The following TTC28 variants were observed in gnomAD, a reference collection of about 807,000 sequenced individuals.
The protein encoded by TTC28 is tetratricopeptide repeat domain 28.
In TTC28, 61 loss-of-function variants were observed where a neutral mutation model predicts 198.0. The ratio of observed to expected loss-of-function variants is 0.31; its 90% CI spans 0.25 to 0.38. The LOEUF is 0.38. TTC28 is among the 10% of genes least tolerant of loss of function. The probability of loss-of-function intolerance (pLI) is 1.00; values close to 1 mark genes in which losing one functional copy is unlikely to be tolerated. For synonymous variants in TTC28, 1,171 were observed against 1,297.8 expected, an observed-to-expected ratio of 0.90 and a Z score of 2.10; for missense variants, 2,678 against 3,164.0, an observed-to-expected ratio of 0.85 and a Z score of 3.69.
intron 12 of TTC28, among the ~76,000 whole-genome samples, chr22:28,083,904 T>C (rs1295029864): frequency 1.3e-5 from 2 of 152,202 alleles, no homozygotes; most frequent in Non-Finnish European, 2.9e-5. Flanking sequence ...CCACGGAGCC[T>C]CGCTCATTGC....
At chr22:28,677,701 C>T (rs1021146974) in intron 1 of TTC28, among the ~76,000 whole-genome samples, 2 of 152,008 alleles carry the variant, frequency 1.3e-5, no homozygotes, top group Non-Finnish European at 2.9e-5. Flanking sequence ...CTTTGGGAGG[C>T]CAAGGTGGGC....
intron 2 of TTC28, among the ~76,000 whole-genome samples, chr22:28,371,318 TG>T (rs1367297789): frequency 6.7e-6 from 1 of 149,730 alleles, no homozygotes; most frequent in Non-Finnish European, 1.5e-5. Context: ...AGGATCAGCC[TG>T]GGCAACATGG....
intron 5 of TTC28, among the ~76,000 whole-genome samples, chr22:28,237,744 G>T (rs889992243): frequency 6.6e-6 from 1 of 151,878 alleles, no homozygotes; most frequent in South Asian, 2.1e-4. Context: ...CAAGTTTCTG[G>T]TATCATTTTC....
At chr22:28,356,642 T>G (rs980649357) in intron 2 of TTC28, among the ~76,000 whole-genome samples, 1 of 152,196 alleles carries the variant, frequency 6.6e-6, no homozygotes, top group Non-Finnish European at 1.5e-5. Context: ...TGACTTTGTG[T>G]GCAAGGTGCA....
At chr22:27,997,200 T>G (rs1009520818) in intron 16 of TTC28, among the ~76,000 whole-genome samples, 2 of 152,360 alleles carry the variant, frequency 1.3e-5, no homozygotes, top group East Asian at 3.9e-4. Context: ...CAGCCCTCCG[T>G]GCCTGCTTGT....
intron 6 of TTC28, among the ~76,000 whole-genome samples, chr22:28,144,936 T>C (rs1030474137): frequency 6.6e-6 from 1 of 152,286 alleles, no homozygotes; most frequent in African/African-American, 2.4e-5. Flanking sequence ...CTCACAACAA[T>C]CCTATGAAGT....
chr22:28,507,898 C>A (rs1307129187), intron 2 of TTC28, among the ~76,000 whole-genome samples: 1 of 152,126 alleles, frequency 6.6e-6, no homozygotes, highest in Non-Finnish European at 1.5e-5. Context: ...TGCAAGAGCT[C>A]CTGAAGGAAG....
intron 5 of TTC28, among the ~76,000 whole-genome samples, chr22:28,239,555 T>C (rs550658153): frequency 6.6e-6 from 1 of 152,160 alleles, no homozygotes; most frequent in East Asian, 1.9e-4. Flanking sequence ...TAAAAGCCAC[T>C]AGGAAGATTA....
At position 27,999,168 on chromosome 22, in the gene TTC28, G is replaced by T; in HGVS notation, c.4491C>A (p.Asp1497Glu). 1 of 1,550,778 alleles carries T rather than the reference G, an allele frequency of 6.4e-7. No homozygotes were observed. ...GNPKLPSAVM[D>E]RWLWGPMPSA... ...ATGGCATGGGCCCCCACAGCCACCTGTCCATCACGGCCGATGGTAGCTTGG... is the reference window on the plus strand; with the variant it reads ...ATGGCATGGGCCCCCACAGCCACCTTTCCATCACGGCCGATGGTAGCTTGG... Residue 1497 changes from aspartate to glutamate, a missense_variant, in exon 16 of 23, where the codon GAC (aspartate) becomes GAA (glutamate). Around this residue, in one of 8 missense-constraint regions of TTC28, gnomAD observed 727 missense variants for 861.9 expected, o/e 0.84. Transcript: ENST00000397906.
intron 2 of TTC28, among the ~76,000 whole-genome samples, chr22:28,316,313 T>C (rs1308336508): frequency 6.6e-6 from 1 of 152,192 alleles, no homozygotes; most frequent in Non-Finnish European, 1.5e-5. Context: ...GTTTCTTCCT[T>C]TCTCCTCTCT....
At chr22:28,074,564 T>G (rs1457286255) in intron 12 of TTC28, among the ~76,000 whole-genome samples, 1 of 152,236 alleles carries the variant, frequency 6.6e-6, no homozygotes, top group Non-Finnish European at 1.5e-5. Context: ...TCAGGGCATC[T>G]AACAGATTGG....
At chr22:28,503,963 A>G (rs1176241147) in intron 2 of TTC28, among the ~76,000 whole-genome samples, 3 of 152,250 alleles carry the variant, frequency 2.0e-5, no homozygotes, top group Non-Finnish European at 4.4e-5. Context: ...GAATGGATCA[A>G]TAGTGAAAGA....
At chr22:28,618,034 G>C (rs950745251) in intron 2 of TTC28, among the ~76,000 whole-genome samples, 14 of 151,836 alleles carry the variant, frequency 9.2e-5, no homozygotes, top group African/African-American at 3.4e-4. Flanking sequence ...GCACTTTGGG[G>C]GGCCGAGGCA....
intron 2 of TTC28, among the ~76,000 whole-genome samples, chr22:28,309,105 G>A (rs544865562): frequency 4.5e-4 from 69 of 152,268 alleles, no homozygotes; most frequent in African/African-American, 1.6e-3. Context: ...ATAGAATAAA[G>A]AGAATCCAGT....
At chr22:28,338,327 C>T (rs937712036) in intron 2 of TTC28, among the ~76,000 whole-genome samples, 5 of 152,116 alleles carry the variant, frequency 3.3e-5, no homozygotes, top group Non-Finnish European at 2.9e-5. Flanking sequence ...CTTGGCATTG[C>T]TCTTCTCGAG....
At chr22:28,072,253 G>T (rs547685598) in intron 12 of TTC28, among the ~76,000 whole-genome samples, 2 of 152,166 alleles carry the variant, frequency 1.3e-5, no homozygotes, top group Non-Finnish European at 2.9e-5. Flanking sequence ...TGCCAGAGAA[G>T]GTGTGGTTTA....
At chr22:28,662,291 G>A (rs1423735734) in intron 1 of TTC28, among the ~76,000 whole-genome samples, 1 of 152,170 alleles carries the variant, frequency 6.6e-6, no homozygotes, top group Non-Finnish European at 1.5e-5. Flanking sequence ...GCGTTTAGTA[G>A]CAAAAGGTAG....
At chr22:28,609,714 G>A (rs185144283) in intron 2 of TTC28, among the ~76,000 whole-genome samples, 177 of 151,866 alleles carry the variant, frequency 1.2e-3, no homozygotes, top group Middle Eastern at 3.4e-3. Context: ...TCCCAGTGGC[G>A]CCTGGAATGC....
chr22:28,286,588 T>C (rs1420201586), intron 5 of TTC28, among the ~76,000 whole-genome samples: 1 of 152,218 alleles, frequency 6.6e-6, no homozygotes, highest in Non-Finnish European at 1.5e-5. Flanking sequence ...TGGTTACTTC[T>C]GGAAAAGACA....
Sources: allele counts gnomAD v4.1 joint callset (sites outside exome capture counted in the v4.1 genomes callset), GRCh38; gene constraint gnomAD v4.1.1; regional missense constraint gnomAD v4.1.1; transcripts MANE v1.5; gene names NCBI Gene and HGNC (gene_info 2026-07-23, HGNC 2026-07-21).